The following ELMO1 variants were observed in gnomAD, a reference collection of about 807,000 sequenced individuals.
ELMO1 encodes engulfment and cell motility 1, also known as engulfment and cell motility protein 1.
A neutral mutation model predicts 98.9 loss-of-function variants in ELMO1; 26 were observed. The ratio of observed to expected loss-of-function variants is 0.26; its 90% CI spans 0.19 to 0.36. ELMO1 has a LOEUF of 0.36. Ranked by LOEUF, ELMO1 falls within the 10% of genes least tolerant of loss-of-function variation. ELMO1 has a pLI of 1.00. For missense variants in ELMO1, 627 were observed against 935.2 expected (o/e 0.67, Z 4.30); for synonymous variants, 346 against 346.0 (o/e 1.00, Z 0.00).
chr7:37,092,366 CTTTTTTTTTT>C (rs537388417), intron 15 of ELMO1, among the ~76,000 whole-genome samples: 2,601 of 68,784 alleles, frequency 0.038, 95 homozygotes, highest in African/African-American at 0.11. Context: ...TACCCATATT[CTTTTTTTTTT>C]TTTTTTTTTT....
At chr7:37,108,871 T>G (rs1266493965) in intron 14 of ELMO1, among the ~76,000 whole-genome samples, 1 of 152,228 alleles carries the variant, frequency 6.6e-6, no homozygotes, top group Non-Finnish European at 1.5e-5. Flanking sequence ...ATCCCTTACA[T>G]GAATACCAAC....
chr7:37,259,195 C>T lies in ELMO1; in HGVS notation c.399G>A (p.Val133=), dbSNP rs2717968. 0.29 allele frequency: 470,113 copies of T among 1,613,280 alleles called. 69,759 individuals carry two copies. The highest frequency in any genetic ancestry group is 0.4 in the Middle Eastern group (2,412 of 6,060). ...LDGISLLTQM[V]ESGTERYQKL... ...AAGACGCTTACTCAGTGCCGCTCTC[C>T]ACCATCTGCGTGAGGAGAGAGATAC... is the stretch of plus-strand genomic sequence containing the variant. Residue 133 remains valine (V), a synonymous_variant, in exon 6 of 22, where the codon GTG becomes GTA. Transcript: ENST00000310758.
intron 16 of ELMO1, chr7:36,986,505 C>T (rs1336162956): frequency 6.5e-6 from 1 of 153,262 alleles, no homozygotes; most frequent in Non-Finnish European, 1.4e-5. Flanking sequence ...AGTTCATATT[C>T]ATCAGCCTCC....
At chr7:37,282,517 G>A (rs541033293) in intron 4 of ELMO1, among the ~76,000 whole-genome samples, 5 of 152,260 alleles carry the variant, frequency 3.3e-5, no homozygotes, top group African/African-American at 1.2e-4. Flanking sequence ...TATATGATAC[G>A]CTGGTTGCTA....
chr7:37,058,194 C>T (rs1314650562), intron 15 of ELMO1, among the ~76,000 whole-genome samples: 1 of 152,180 alleles, frequency 6.6e-6, no homozygotes, highest in African/African-American at 2.4e-5. Context: ...TCTATCAATG[C>T]TAAGGTCCCT....
chr7:36,857,939 A>G (rs1474867438), intron 21 of ELMO1, among the ~76,000 whole-genome samples: 1 of 152,208 alleles, frequency 6.6e-6, no homozygotes, highest in Non-Finnish European at 1.5e-5. Flanking sequence ...GGGTCCTCCC[A>G]ATAGGACTCA....
chr7:36,998,530 A>C (rs1792389594), intron 16 of ELMO1, among the ~76,000 whole-genome samples: 1 of 152,020 alleles, frequency 6.6e-6, no homozygotes, highest in Non-Finnish European at 1.5e-5. Context: ...TACATATATA[A>C]ATATATATAT....
At chr7:36,967,133 A>G (rs1219023319) in intron 16 of ELMO1, among the ~76,000 whole-genome samples, 1 of 152,220 alleles carries the variant, frequency 6.6e-6, no homozygotes, top group Non-Finnish European at 1.5e-5. Flanking sequence ...ATGTATATTT[A>G]GTTTACAAGA....
At chr7:36,862,368 G>C (rs993581851) in intron 20 of ELMO1, among the ~76,000 whole-genome samples, 7 of 152,326 alleles carry the variant, frequency 4.6e-5, no homozygotes, top group Admixed American at 6.5e-5. Flanking sequence ...GAGACTGCAA[G>C]GTATAATCGA....
At chr7:37,077,814 A>G (rs1245386047) in intron 15 of ELMO1, among the ~76,000 whole-genome samples, 1 of 152,128 alleles carries the variant, frequency 6.6e-6, no homozygotes, top group East Asian at 1.9e-4. Flanking sequence ...TGATTGCAGG[A>G]GCCAGGCCTT....
At chr7:37,095,803 G>A (rs1784340212) in intron 15 of ELMO1, among the ~76,000 whole-genome samples, 1 of 151,994 alleles carries the variant, frequency 6.6e-6, no homozygotes, top group Non-Finnish European at 1.5e-5. Context: ...TGTTTTCACA[G>A]TAATACCAAA....
chr7:37,392,221 C>T (rs749270371), intron 1 of ELMO1, among the ~76,000 whole-genome samples: 1 of 152,132 alleles, frequency 6.6e-6, no homozygotes, highest in Non-Finnish European at 1.5e-5. Flanking sequence ...AGGGAAGTTG[C>T]TACTCTAGAG....
intron 15 of ELMO1, among the ~76,000 whole-genome samples, chr7:37,035,523 C>CT (rs1159095372): frequency 1.3e-5 from 2 of 152,320 alleles, no homozygotes; most frequent in African/African-American, 2.4e-5. Context: ...ATTTCCTTTT[C>CT]TTTTTTACAA....
chr7:37,319,071 G>T (rs1278195642), intron 2 of ELMO1, among the ~76,000 whole-genome samples: 1 of 151,836 alleles, frequency 6.6e-6, no homozygotes, highest in Non-Finnish European at 1.5e-5. Context: ...GTTCCTCATG[G>T]ATCTCATTCT....
At chr7:37,375,797 C>A in intron 1 of ELMO1, 1 of 907,098 alleles carries the variant, frequency 1.1e-6, no homozygotes, top group Non-Finnish European at 1.8e-6. Context: ...ACTGTGCCTG[C>A]CACTGTACAC....
chr7:37,391,669 C>G (rs1262696746), intron 1 of ELMO1, among the ~76,000 whole-genome samples: 1 of 152,176 alleles, frequency 6.6e-6, no homozygotes, highest in Non-Finnish European at 1.5e-5. Context: ...TCCAGAGACC[C>G]CAGTTGGGGG....
chr7:37,049,501 T>C (rs532793597), intron 15 of ELMO1, among the ~76,000 whole-genome samples: 1 of 152,288 alleles, frequency 6.6e-6, no homozygotes, highest in African/African-American at 2.4e-5. Flanking sequence ...AGAGCTGCTC[T>C]GCCCCAAATG....
At chr7:37,148,051 C>T (rs960213745) in intron 13 of ELMO1, among the ~76,000 whole-genome samples, 2 of 152,096 alleles carry the variant, frequency 1.3e-5, no homozygotes, top group African/African-American at 4.8e-5. Flanking sequence ...TCAGGGCTGG[C>T]TGTATACAGC....
At chr7:37,330,685 G>A (rs1037959150) in intron 2 of ELMO1, among the ~76,000 whole-genome samples, 9 of 152,148 alleles carry the variant, frequency 5.9e-5, no homozygotes, top group Non-Finnish European at 1.3e-4. Context: ...AGCAAAACGA[G>A]CATGAATTAT....
Sources: gnomAD v4.1 joint callset for allele counts (sites outside exome capture counted in the v4.1 genomes callset) on GRCh38, gnomAD v4.1.1 for gene constraint, MANE v1.5 for transcripts, NCBI Gene and HGNC (gene_info 2026-07-23, HGNC 2026-07-21) for gene names.